Variants in TTLL6 observed in about 807,000 individuals in gnomAD.
TTLL6 encodes tubulin tyrosine ligase like 6, also known as tubulin polyglutamylase TTLL6.
TTLL6 carries 75 observed loss-of-function variants against 96.4 expected under a neutral mutation model. The observed-to-expected ratio is 0.78, with a 90% CI of 0.65 to 0.94. The LOEUF is 0.94. Among genes scored for constraint, TTLL6 ranks in the 40% least tolerant of loss-of-function variants. The pLI is 0.00. For synonymous variants in TTLL6, 411 were observed against 419.4 expected (o/e 0.98, Z 0.24); for missense variants, 1,030 against 1,093.0 (o/e 0.94, Z 0.81).
rs147349720 is a variant in TTLL6, at chr17:48,812,616, C to G, written c.103+4354G>C. ...GTGCCTGGCACATAGAAGGTACCCA[C>G]AAAGTGCTCTCTACCATTACCAGCT... On this transcript the variant is annotated intron_variant, in intron 1 of 15. Transcript: ENST00000393382. Among the ~76,000 whole-genome samples, 31 of 152,350 alleles carry G rather than the reference C, an allele frequency of 2.0e-4. No homozygotes were observed. The East Asian group carries it at 6.0e-3, about 29-fold the overall frequency.
At chr17:48,801,677 A>G in intron 3 of TTLL6, 34 bp from the exon 4 acceptor site, 1 of 1,519,368 alleles carries the variant, frequency 6.6e-7, no homozygotes. Flanking sequence ...TAGCCCAGGA[A>G]GTGGGGGAGG....
chr17:48,814,355 A>T (rs1482375443), intron 1 of TTLL6, among the ~76,000 whole-genome samples: 1 of 148,106 alleles, frequency 6.8e-6, no homozygotes, highest in Admixed American at 6.8e-5. Context: ...TAAGAGCTGT[A>T]CTACCAATGT....
chr17:48,772,399 A>C (rs1402994255), intron 13 of TTLL6, among the ~76,000 whole-genome samples: 1 of 152,222 alleles, frequency 6.6e-6, no homozygotes, highest in Non-Finnish European at 1.5e-5. Flanking sequence ...TCATTAGCAG[A>C]CAAGAACTTT....
chr17:48,790,904 AG>A (rs2039205288), intron 9 of TTLL6, among the ~76,000 whole-genome samples: 2 of 152,256 alleles, frequency 1.3e-5, no homozygotes, highest in South Asian at 4.2e-4. Context: ...GTATGGGTCT[AG>A]GGGAGGCAGG....
At position 48,786,240 on chromosome 17, in the gene TTLL6, A is replaced by G; in HGVS notation, c.1685T>C (p.Val562Ala). 2 of 1,613,876 alleles carry G rather than the reference A, an allele frequency of 1.2e-6. No individual in the cohort carries two copies. Residue 562 changes from valine to alanine, a missense_variant, in exon 12 of 16, where the codon GTG (valine) becomes GCG (alanine). Physicochemically the swap from Val to Ala is moderately conservative, Grantham distance 64. Transcript: ENST00000393382. ...EMQGESAGEQ[V>A]RKKGMRGWQQ... ...CCAGCCCCTCATGCCCTTCTTTCTC[A>G]CTTGCTCGCCTGCCGATTCCCCCTG...
intron 1 of TTLL6, chr17:48,812,064 A>ACCTCCCCCCCCC (rs2039602289): frequency 1.8e-4 from 14 of 76,132 alleles, no homozygotes; most frequent in African/African-American, 6.1e-4. Flanking sequence ...TGATGCTGGG[A>ACCTCCCCCCCCC]CCCCCCCCCC....
At chr17:48,786,629 G>A (rs1333755989) in intron 11 of TTLL6, among the ~76,000 whole-genome samples, 2 of 152,192 alleles carry the variant, frequency 1.3e-5, no homozygotes, top group African/African-American at 4.8e-5. Context: ...TTCCCAGCAG[G>A]CCAGTTCCCA....
At chr17:48,808,558 T>A (rs1042290415) in intron 1 of TTLL6, among the ~76,000 whole-genome samples, 2 of 152,052 alleles carry the variant, frequency 1.3e-5, no homozygotes, top group Non-Finnish European at 2.9e-5. Context: ...TCTCTATACA[T>A]ATTTGCTATT....
At chr17:48,765,962 G>C (rs2038595763) in intron 15 of TTLL6, 1 of 152,132 alleles carries the variant, frequency 6.6e-6, no homozygotes. Context: ...CTTCCCTAAG[G>C]AACTACTAAA....
In TTLL6 at chr17:48,762,649, C is replaced by G; in HGVS notation, c.*325G>C. ...AACACTACTCCCGAAGTTGCTTTAT[C>G]TGGGGGAGTATTCTGGATGATGGTG... On this transcript the variant is annotated 3_prime_UTR_variant, in exon 16 of 16. Transcript: ENST00000393382. 4.6e-6 allele frequency: 1 copy of G among 215,394 alleles called. No individual in the cohort carries two copies. The highest frequency in any genetic ancestry group is 9.4e-6 in the Non-Finnish European group (1 of 105,886). The allele number at this position is 215,394 out of a possible 1,614,324, so 13.3% of individuals were successfully genotyped here. A position where few individuals can be genotyped will look rare whatever the true frequency, so the allele number is the denominator to read the frequency against.
intron 6 of TTLL6, among the ~76,000 whole-genome samples, chr17:48,798,307 C>T (rs1278955143): frequency 6.6e-6 from 1 of 151,978 alleles, no homozygotes; most frequent in Admixed American, 6.6e-5. Context: ...GGGTTCACAC[C>T]TGTAATCCCA....
chr17:48,782,370 G>T (rs2039006103), intron 13 of TTLL6, among the ~76,000 whole-genome samples: 1 of 152,160 alleles, frequency 6.6e-6, no homozygotes, highest in Non-Finnish European at 1.5e-5. Context: ...GGCCAGGCTG[G>T]TCTTGAACTC....
rs771841372 is a variant in TTLL6, at chr17:48,791,581, A to G, written c.1021T>C (p.Tyr341His). Reference protein sequence around the residue: ...SKRKLSTFSAYLEDHSYNVEQ... With the variant: ...SKRKLSTFSAHLEDHSYNVEQ... ...ACGTTGTAGCTGTGGTCCTCCAAGT[A>G]TGCACTGAAGGTGGAGAGCTTCCTG... Residue 341 changes from tyrosine to histidine, a missense_variant, in exon 9 of 16, where the codon TAC becomes CAC. By Grantham distance (83) the Tyr-to-His change is moderately conservative. Coordinates refer to ENST00000393382, the MANE Select transcript of TTLL6 (RefSeq NM_001130918.3). 36 of 1,613,120 alleles carry G rather than the reference A, an allele frequency of 2.2e-5. No individual in the cohort carries two copies. The East Asian group carries it at 8.0e-4, about 36-fold the overall frequency.
rs71369215 is a variant in TTLL6 at position 48,777,011 on chromosome 17, GACACAC to G, written c.2041-6920_2041-6915del. Among the ~76,000 whole-genome samples the G allele has an allele frequency of 8.1e-4, 115 of 141,488 alleles. No individual in the cohort carries two copies. In the Middle Eastern group the frequency reaches 0.014, roughly 18 times the overall value. 92.8% of individuals were successfully genotyped at this position (141,488 alleles called of 152,430 possible). ...ACAATGTGGTATTGGCATAAGGATA[GACACAC>G]ACACACACACACACACACACACACA... On this transcript the variant is annotated intron_variant, in intron 13 of 15. Transcript: ENST00000393382.
chr17:48,794,065 G>A, intron 8 of TTLL6: 1 of 1,341,172 alleles, frequency 7.5e-7, no homozygotes, highest in Non-Finnish European at 1.0e-6. Context: ...AGCAAGGGCA[G>A]GCGGAGGCCA....
At chr17:48,797,837 T>G (rs1055673990) in intron 6 of TTLL6, among the ~76,000 whole-genome samples, 1 of 138,746 alleles carries the variant, frequency 7.2e-6, no homozygotes, top group African/African-American at 2.7e-5. Context: ...GGTGCAGTGG[T>G]TTATGTCTAT....
chr17:48,807,983 C>T (rs904952656), intron 1 of TTLL6, among the ~76,000 whole-genome samples: 20 of 152,162 alleles, frequency 1.3e-4, no homozygotes, highest in African/African-American at 3.4e-4. Flanking sequence ...GGATTACAGG[C>T]GCCCGCCACC....
At chr17:48,804,040 C>A (rs1004837687) in intron 2 of TTLL6, 112 bp from the exon 3 acceptor site, 3 of 1,250,600 alleles carry the variant, frequency 2.4e-6, no homozygotes, top group Non-Finnish European at 3.4e-6. Context: ...ATCTAGCCTG[C>A]CATGCTAAGC....
chr17:48,802,064 AAAAGAAAGAAAGAAAAAGAAAG>A (rs2039426937), intron 3 of TTLL6, among the ~76,000 whole-genome samples: 2 of 144,418 alleles, frequency 1.4e-5, no homozygotes, highest in African/African-American at 5.1e-5. Context: ...GAAAGAAAAG[AAAAGAAAGAAAGAAAAAGAAAG>A]AAAGAAAGAA....
Sources: gnomAD v4.1 joint callset for allele counts (sites outside exome capture counted in the v4.1 genomes callset) on GRCh38, gnomAD v4.1.1 for gene constraint, MANE v1.5 for transcripts, NCBI Gene and HGNC (gene_info 2026-07-23, HGNC 2026-07-21) for gene names.